Variants in ASTN2 observed in about 807,000 individuals in gnomAD.
ASTN2 encodes astrotactin-2.
In ASTN2, 54 loss-of-function variants were observed where a neutral mutation model predicts 139.8. The observed-to-expected ratio is 0.39, with a 90% CI of 0.31 to 0.48. The LOEUF (loss-of-function observed/expected upper bound fraction) is 0.48, where lower values mean the gene tolerates loss of function less well. Among genes scored for constraint, ASTN2 ranks in the 20% least tolerant of loss-of-function variants. The pLI is 0.95. For synonymous variants in ASTN2, 756 were observed against 719.5 expected (o/e 1.05, Z -0.81); for missense variants, 1,565 against 1,725.1 (o/e 0.91, Z 1.64).
chr9:116,806,987 A>G (rs1032400645), intron 12 of ASTN2, among the ~76,000 whole-genome samples: 1 of 152,232 alleles, frequency 6.6e-6, no homozygotes, highest in Admixed American at 6.5e-5. Flanking sequence ...AATAAAGCAT[A>G]TAGTACTGTG....
chr9:116,820,478 G>A, intron 12 of ASTN2, 139 bp downstream of exon 12: 1 of 1,144,098 alleles, frequency 8.7e-7, no homozygotes, highest in Middle Eastern at 3.1e-4. Context: ...TTGGCTCTTG[G>A]ACTAAAACAG....
intron 19 of ASTN2, chr9:116,585,839 G>A (rs943775579): frequency 4.6e-5 from 7 of 151,982 alleles, no homozygotes; most frequent in African/African-American, 1.2e-4. Context: ...AAGAGCTTTC[G>A]CACAGCAAAA....
At chr9:117,375,577 C>T (rs10983638) in intron 1 of ASTN2, among the ~76,000 whole-genome samples, 8,177 of 152,216 alleles carry the variant, frequency 0.054, 283 homozygotes, top group Non-Finnish European at 0.077. Context: ...ACGTATTGCA[C>T]GTGAGGAAAT....
At chr9:117,158,521 A>T (rs1177066862) in intron 3 of ASTN2, among the ~76,000 whole-genome samples, 1 of 152,088 alleles carries the variant, frequency 6.6e-6, no homozygotes, top group African/African-American at 2.4e-5. Context: ...TACTATGATC[A>T]ACTTGTCTAC....
At chr9:116,461,483 CAT>C (rs1207754159) in intron 20 of ASTN2, among the ~76,000 whole-genome samples, 3 of 152,076 alleles carry the variant, frequency 2.0e-5, no homozygotes, top group Non-Finnish European at 4.4e-5. Flanking sequence ...TGCACACACA[CAT>C]ATAAAAATCT....
In ASTN2 at chr9:117,411,879, C is replaced by G. The variant is rs186510716; in HGVS notation, c.442+2618G>C. On this transcript the variant is annotated intron_variant, in intron 1 of 22. Coordinates refer to ENST00000313400, the MANE Select transcript of ASTN2 (RefSeq NM_001365068.1). ...AGCTGCCCAACTCGCCAGAGACAAA[C>G]GTTAGGCAGGATGTTTAAAAGTCTG... 1.4e-4 allele frequency among the ~76,000 whole-genome samples: 22 copies of G among 152,274 alleles called. No individual in the cohort carries two copies. The East Asian group carries it at 3.7e-3, about 25-fold the overall frequency.
intron 22 of ASTN2, among the ~76,000 whole-genome samples, chr9:116,431,169 C>T (rs1847484853): frequency 1.3e-5 from 2 of 152,162 alleles, no homozygotes; most frequent in South Asian, 4.1e-4. Flanking sequence ...TTCCCAGCAC[C>T]ATTTCCCAAT....
intron 22 of ASTN2, among the ~76,000 whole-genome samples, chr9:116,432,393 T>C (rs1847525182): frequency 6.6e-6 from 1 of 152,204 alleles, no homozygotes; most frequent in Non-Finnish European, 1.5e-5. Context: ...GGACACCAGT[T>C]GAATATCAGA....
chr9:116,695,906 A>G (rs1411990397), intron 16 of ASTN2, among the ~76,000 whole-genome samples: 1 of 152,108 alleles, frequency 6.6e-6, no homozygotes, highest in Non-Finnish European at 1.5e-5. Flanking sequence ...TATTTTTTAA[A>G]TCATCTAGGC....
At chr9:116,888,581 G>T (rs1833678010) in intron 10 of ASTN2, among the ~76,000 whole-genome samples, 1 of 151,930 alleles carries the variant, frequency 6.6e-6, no homozygotes, top group African/African-American at 2.4e-5. Context: ...GGAATGCAGT[G>T]GTGCAATCTC....
At chr9:117,364,873 A>G (rs879816726) in intron 1 of ASTN2, among the ~76,000 whole-genome samples, 2 of 151,196 alleles carry the variant, frequency 1.3e-5, no homozygotes, top group Admixed American at 1.3e-4. Context: ...AGCACTTTGG[A>G]AGGCCAAGGT....
At chr9:116,805,850 C>G (rs746276443) in intron 12 of ASTN2, 30 bp from the exon 13 acceptor site, 1 of 1,603,074 alleles carries the variant, frequency 6.2e-7, no homozygotes, top group Admixed American at 1.7e-5. Flanking sequence ...TCAGAATTAG[C>G]TTCACATCCT....
chr9:116,924,322 C>T (rs1260966189), intron 10 of ASTN2, among the ~76,000 whole-genome samples: 3 of 148,614 alleles, frequency 2.0e-5, no homozygotes, highest in Non-Finnish European at 3.0e-5. Flanking sequence ...CCCAGCTACT[C>T]AGGTGGCTGA....
At chr9:116,525,551 T>C (rs185135955) in intron 19 of ASTN2, among the ~76,000 whole-genome samples, 149 of 152,308 alleles carry the variant, frequency 9.8e-4, no homozygotes, top group African/African-American at 3.4e-3. Flanking sequence ...AAGCATCAGA[T>C]TGAAACTCAC....
At chr9:117,350,336 G>T (rs1379237243) in intron 1 of ASTN2, among the ~76,000 whole-genome samples, 1 of 152,068 alleles carries the variant, frequency 6.6e-6, no homozygotes, top group African/African-American at 2.4e-5. Context: ...ATTTCTTGAG[G>T]TCAGGAGTTT....
At chr9:117,042,758 T>C (rs531233943) in intron 5 of ASTN2, among the ~76,000 whole-genome samples, 1 of 152,326 alleles carries the variant, frequency 6.6e-6, no homozygotes, top group South Asian at 2.1e-4. Flanking sequence ...GCACCTTGCA[T>C]TGACCTCACC....
At chr9:116,923,531 G>A (rs1197139963) in intron 10 of ASTN2, among the ~76,000 whole-genome samples, 1 of 152,224 alleles carries the variant, frequency 6.6e-6, no homozygotes, top group Non-Finnish European at 1.5e-5. Flanking sequence ...GTGAGGAGTA[G>A]ATAGCTATAC....
chr9:117,003,556 T>TGTGTGTGTGTGTGTGTGTGTG (rs1412820236), intron 7 of ASTN2, among the ~76,000 whole-genome samples: 36 of 146,974 alleles, frequency 2.4e-4, no homozygotes, highest in South Asian at 6.8e-4. Context: ...TGTGTGTGTA[T>TGTGTGTGTGTGTGTGTGTGTG]TTAAATCTAG....
At chr9:117,353,808 C>T (rs886961023) in intron 1 of ASTN2, among the ~76,000 whole-genome samples, 21 of 152,194 alleles carry the variant, frequency 1.4e-4, no homozygotes, top group African/African-American at 4.8e-4. Context: ...CTGAAAAGGC[C>T]ACACACTCTA....
Sources: allele counts gnomAD v4.1 joint callset (sites outside exome capture counted in the v4.1 genomes callset), GRCh38; gene constraint gnomAD v4.1.1; transcripts MANE v1.5; gene names NCBI Gene and HGNC (gene_info 2026-07-23, HGNC 2026-07-21).